Variants in NRG1 observed in about 807,000 individuals in gnomAD.
NRG1 encodes the protein neuregulin 1, also known as pro-neuregulin-1, membrane-bound isoform.
A neutral mutation model predicts 63.8 loss-of-function variants in NRG1; 18 were observed. The observed-to-expected ratio is 0.28, with a 90% confidence interval of 0.19 to 0.42. NRG1 has a LOEUF of 0.42. Ranked by LOEUF, NRG1 falls within the 10% of genes least tolerant of loss-of-function variation. The pLI, the probability that NRG1 is intolerant of heterozygous loss-of-function variation, is 1.00. For synonymous variants in NRG1, 302 were observed against 301.3 expected, an observed-to-expected ratio of 1.00 and a Z score of -0.02; for missense variants, 762 against 814.7, an observed-to-expected ratio of 0.94 and a Z score of 0.79.
chr8:32,665,120 G>A (rs1464238370), intron 5 of NRG1, among the ~76,000 whole-genome samples: 6 of 152,014 alleles, frequency 3.9e-5, no homozygotes, highest in Non-Finnish European at 8.8e-5. Context: ...ACCTCTTTTC[G>A]AGTGTGTGTT....
intron 1 of NRG1, among the ~76,000 whole-genome samples, chr8:32,595,331 A>G (rs959930017): frequency 1.3e-5 from 2 of 152,026 alleles, no homozygotes; most frequent in Non-Finnish European, 2.9e-5. Flanking sequence ...CCGGGACTAC[A>G]GGCACATGCC....
intron 1 of NRG1, among the ~76,000 whole-genome samples, chr8:32,369,750 C>T (rs1380697438): frequency 6.6e-6 from 1 of 152,170 alleles, no homozygotes; most frequent in Non-Finnish European, 1.5e-5. Context: ...GAAATCCATT[C>T]CCCTTCATTT....
chr8:32,137,550 A>G (rs1835709229), intron 1 of NRG1, among the ~76,000 whole-genome samples: 1 of 152,218 alleles, frequency 6.6e-6, no homozygotes. Flanking sequence ...TGTGTGCACA[A>G]TTGCATGCAT....
chr8:32,203,188 CTTTTTTTTTTT>C (rs11311144), intron 1 of NRG1, among the ~76,000 whole-genome samples: 1 of 61,462 alleles, frequency 1.6e-5, no homozygotes, highest in African/African-American at 6.0e-5. Context: ...AGCAAGCCAG[CTTTTTTTTTTT>C]TTTTTTTTTT....
chr8:32,157,969 C>G (rs1006769870), intron 1 of NRG1, among the ~76,000 whole-genome samples: 4 of 152,200 alleles, frequency 2.6e-5, no homozygotes, highest in African/African-American at 9.6e-5. Context: ...ACACTTTCCA[C>G]TTTCCCAAAC....
intron 1 of NRG1, among the ~76,000 whole-genome samples, chr8:32,346,030 T>A (rs1804846752): frequency 6.7e-6 from 1 of 148,282 alleles, no homozygotes. Flanking sequence ...AATAAATGTA[T>A]ATATAGATAT....
At chr8:32,470,832 G>A (rs1587838237) in intron 1 of NRG1, among the ~76,000 whole-genome samples, 2 of 150,600 alleles carry the variant, frequency 1.3e-5, no homozygotes, top group South Asian at 2.1e-4. Flanking sequence ...TCAGGGTTTT[G>A]CTCTGTAACC....
rs1290856241 is a variant in NRG1 at position 32,648,194 on chromosome 8, T to C, written c.502+31309T>C. 3 of 1,613,986 alleles carry C rather than the reference T, an allele frequency of 1.9e-6. No homozygotes were observed. In the African/African-American group the frequency reaches 4.0e-5, roughly 22 times the overall value. On this transcript the variant is annotated intron_variant, in intron 5 of 11. Transcript: ENST00000356819. ...GTGAGGTTCAAGTTACAGTGCAAGG[T>C]GACAAGGCTGTTGTCTCCTTTGAAC...
rs376409472 is a variant in NRG1, at chr8:32,664,476, C to T, written c.502+47591C>T. Among the ~76,000 whole-genome samples, 15 of 151,952 alleles carry T rather than the reference C, an allele frequency of 9.9e-5. No homozygotes were observed. In the East Asian group the frequency reaches 1.9e-3, roughly 20 times the overall value. On this transcript the variant is annotated intron_variant, in intron 5 of 11. Transcript: ENST00000356819. ...CAGACATGTTAAGTGCATGGTGAGT[C>T]GGCCAGTTGAGTCAGTATGAAGGAA... is the stretch of plus-strand genomic sequence containing the variant.
chr8:32,658,186 A>G (rs966039677), intron 5 of NRG1, among the ~76,000 whole-genome samples: 3 of 152,194 alleles, frequency 2.0e-5, no homozygotes, highest in African/African-American at 4.8e-5. Flanking sequence ...AGTAAACTAT[A>G]CATGTAATCA....
chr8:32,301,471 A>G (rs1855557270), intron 1 of NRG1, among the ~76,000 whole-genome samples: 1 of 152,238 alleles, frequency 6.6e-6, no homozygotes, highest in African/African-American at 2.4e-5. Flanking sequence ...TTGCCCTAAA[A>G]TATAATTGCA....
At chr8:31,815,399 C>G (rs1823339200) in intron 1 of NRG1, among the ~76,000 whole-genome samples, 1 of 152,114 alleles carries the variant, frequency 6.6e-6, no homozygotes, top group South Asian at 2.1e-4. Context: ...CCTCAAGGTT[C>G]ATCCATGTTA....
At chr8:31,913,692 C>A (rs1170014162) in intron 1 of NRG1, among the ~76,000 whole-genome samples, 1 of 152,122 alleles carries the variant, frequency 6.6e-6, no homozygotes, top group Non-Finnish European at 1.5e-5. Flanking sequence ...TTAGGCGCTT[C>A]TCCTCCCAAA....
At chr8:32,112,459 G>T (rs1165201289) in intron 1 of NRG1, among the ~76,000 whole-genome samples, 1 of 152,094 alleles carries the variant, frequency 6.6e-6, no homozygotes, top group East Asian at 1.9e-4. Flanking sequence ...TAAGAGAATT[G>T]ACTGTTGAAG....
intron 1 of NRG1, among the ~76,000 whole-genome samples, chr8:31,780,499 G>C (rs1013962493): frequency 3.3e-5 from 5 of 151,954 alleles, no homozygotes; most frequent in Non-Finnish European, 5.9e-5. Context: ...ACATTATAAG[G>C]GTGCCTCCTG....
chr8:31,957,190 G>GTTTTTTT (rs5890609), intron 1 of NRG1, among the ~76,000 whole-genome samples: 5 of 147,930 alleles, frequency 3.4e-5, no homozygotes, highest in Non-Finnish European at 4.5e-5. Context: ...AAATCAAAGA[G>GTTTTTTT]TTTTTTTTTT....
intron 1 of NRG1, among the ~76,000 whole-genome samples, chr8:32,044,278 A>G (rs899614478): frequency 6.6e-6 from 1 of 151,954 alleles, no homozygotes; most frequent in African/African-American, 2.4e-5. Flanking sequence ...TGTCTGTAGC[A>G]AACAGCATAG....
intron 1 of NRG1, among the ~76,000 whole-genome samples, chr8:32,275,605 C>T (rs988867709): frequency 1.1e-4 from 16 of 152,056 alleles, no homozygotes; most frequent in African/African-American, 3.6e-4. Context: ...CCACAAGAGC[C>T]CCAATTAACT....
intron 5 of NRG1, among the ~76,000 whole-genome samples, chr8:32,631,255 T>C: frequency 6.6e-6 from 1 of 152,208 alleles, no homozygotes; most frequent in East Asian, 1.9e-4. Context: ...CAACTCTTCT[T>C]TCTGTATTGA....
Sources: allele counts gnomAD v4.1 joint callset (sites outside exome capture counted in the v4.1 genomes callset), GRCh38; gene constraint gnomAD v4.1.1; transcripts MANE v1.5; gene names NCBI Gene and HGNC (gene_info 2026-07-23, HGNC 2026-07-21).